The following PGRMC2 variants were observed in gnomAD, a reference collection of about 807,000 sequenced individuals.
PGRMC2 encodes progesterone receptor membrane component 2.
In PGRMC2, 9 loss-of-function variants were observed where a neutral mutation model predicts 19.3. The ratio of observed to expected loss-of-function variants is 0.47; its 90% confidence interval spans 0.28 to 0.81. The LOEUF (loss-of-function observed/expected upper bound fraction) is 0.81, where lower values mean the gene tolerates loss of function less well. Among genes scored for constraint, PGRMC2 ranks in the 40% least tolerant of loss-of-function variants. The probability of loss-of-function intolerance (pLI) is 0.11; values close to 1 mark genes in which losing one functional copy is unlikely to be tolerated. For missense variants in PGRMC2, 289 were observed against 297.3 expected (o/e 0.97, Z 0.21); for synonymous variants, 157 against 124.6 (o/e 1.26, Z -1.73).
intron 2 of PGRMC2, among the ~76,000 whole-genome samples, chr4:128,272,039 TTA>T (rs1760738420): frequency 6.6e-6 from 1 of 152,240 alleles, no homozygotes; most frequent in African/African-American, 2.4e-5. Flanking sequence ...AGTCATTTTT[TTA>T]AATATTGATT....
chr4:128,286,855 G>A (rs1760990753), intron 1 of PGRMC2: 1 of 385,998 alleles, frequency 2.6e-6, no homozygotes, highest in African/African-American at 2.1e-5. Flanking sequence ...GTAATACAGC[G>A]AGGGAAAAAA....
rs28726176 is a variant in PGRMC2 at position 128,275,270 on chromosome 4, C to T, written c.419-2753G>A. Among the ~76,000 whole-genome samples, 933 of 152,196 alleles carry T rather than the reference C, an allele frequency of 6.1e-3. 13 individuals are homozygous for T. The highest frequency in any genetic ancestry group is 0.021 in the African/African-American group (890 of 41,520). On this transcript the variant is annotated intron_variant, in intron 1 of 2. Coordinates refer to ENST00000296425, the MANE Select transcript of PGRMC2 (RefSeq NM_006320.6). The stretch of plus-strand genomic sequence containing the variant: ...ACTTCAGAGTATAAGCCATAAAACA[C>T]ATTTAAATGATACAAAGGAGAGAAG...
intron 1 of PGRMC2, among the ~76,000 whole-genome samples, chr4:128,285,542 G>C (rs1443737464): frequency 6.6e-6 from 1 of 152,222 alleles, no homozygotes; most frequent in African/African-American, 2.4e-5. Flanking sequence ...AATGTGTGAG[G>C]ACTAATACGA....
At chr4:128,279,440 AGTGTAAATT>A (rs1412408954) in intron 1 of PGRMC2, among the ~76,000 whole-genome samples, 2 of 152,358 alleles carry the variant, frequency 1.3e-5, no homozygotes, top group African/African-American at 4.8e-5. Flanking sequence ...ATTTTCATCA[AGTGTAAATT>A]GGTCCAACCT....
In PGRMC2 at chr4:128,287,769, C is replaced by A. The variant is rs1173874160; in HGVS notation, c.22G>T (p.Val8Leu). MAAGDGD[V>L]KLGTLGSGSE... ...CCACTCCCCAGGGTGCCTAGCTTCA[C>A]GTCCCCATCACCAGCCGCCATCACT... The change falls in exon 1 of 3, where the codon GTG becomes TTG. Residue 8 changes from valine to leucine, a missense_variant. Val to Leu is a conservative substitution (Grantham distance 32). Transcript: ENST00000296425. The A allele has an allele frequency of 1.0e-5, 15 of 1,476,020 alleles. No individual in the cohort carries two copies. Among genetic ancestry groups the A allele is most frequent in the Middle Eastern group, 3.5e-4 (2 of 5,690 alleles). 91.4% of individuals were successfully genotyped at this position (1,476,020 alleles called of 1,614,324 possible).
intron 1 of PGRMC2, among the ~76,000 whole-genome samples, chr4:128,274,537 AG>A (rs34085463): frequency 2.3e-5 from 3 of 128,222 alleles, no homozygotes; most frequent in African/African-American, 8.7e-5. Flanking sequence ...AAAAAAAAAA[AG>A]GTATTAACCA....
intron 1 of PGRMC2, among the ~76,000 whole-genome samples, chr4:128,277,403 ATTAAT>A (rs1348615578): frequency 6.6e-6 from 1 of 152,240 alleles, no homozygotes; most frequent in African/African-American, 2.4e-5. Context: ...TGTTTTAAAT[ATTAAT>A]TTAATAAACA....
At chr4:128,272,684 T>C in intron 1 of PGRMC2, 167 bp from the exon 2 acceptor site, 1 of 406,814 alleles carries the variant, frequency 2.5e-6, no homozygotes, top group Non-Finnish European at 4.2e-6. Flanking sequence ...CTAGATGGAA[T>C]AAGAAAAGAA....
At position 128,269,322 on chromosome 4, in the gene PGRMC2, T is replaced by G. The variant is rs1438451315; in HGVS notation, c.*1994A>C. 6.6e-6 allele frequency: 1 copy of G among 152,184 alleles called. No homozygotes were observed. The highest frequency in any genetic ancestry group is 1.5e-5 in the Non-Finnish European group (1 of 68,032). The allele number at this position is 152,184 out of a possible 1,614,324, so 9.4% of individuals were successfully genotyped here. On this transcript the variant is annotated 3_prime_UTR_variant, in exon 3 of 3. Coordinates refer to ENST00000296425, the MANE Select transcript of PGRMC2 (RefSeq NM_006320.6). ...ATTTTTCTTAACAGACCGCATAATT[T>G]TTTCTGCATGAATATTTAGGGTTTC...
chr4:128,280,612 T>C (rs2110562749), intron 1 of PGRMC2, among the ~76,000 whole-genome samples: 1 of 152,198 alleles, frequency 6.6e-6, no homozygotes, highest in African/African-American at 2.4e-5. Context: ...AAGGTCAATT[T>C]ACATTTTTTT....
rs1760703206 is a variant in PGRMC2, at chr4:128,270,059, C to T, written c.*1257G>A. 6.6e-6 allele frequency: 1 copy of T among 152,624 alleles called. No individual in the cohort carries two copies. Among genetic ancestry groups the T allele is most frequent in the South Asian group, 2.1e-4 (1 of 4,826 alleles). 9.5% of individuals were successfully genotyped at this position (152,624 alleles called of 1,614,324 possible). A position where few individuals can be genotyped will look rare whatever the true frequency, so the allele number is the denominator to read the frequency against. ...TTTCATTTCCAAGATTTTTCCTTAT[C>T]TTGAATCAAATGCACAATCTTACAA... On this transcript the variant is annotated 3_prime_UTR_variant, in exon 3 of 3. Transcript: ENST00000296425.
chr4:128,287,795 G>T lies in PGRMC2; in HGVS notation c.-5C>A. 1 of 1,503,406 alleles carries T rather than the reference G, an allele frequency of 6.7e-7. No individual in the cohort carries two copies. Among genetic ancestry groups the T allele is most frequent in the Non-Finnish European group, 9.1e-7 (1 of 1,103,362 alleles). The allele number at this position is 1,503,406 out of a possible 1,614,324, so 93.1% of individuals were successfully genotyped here. A position where few individuals can be genotyped will look rare whatever the true frequency, so the allele number is the denominator to read the frequency against. The stretch of plus-strand genomic sequence containing the variant: ...GTCCCCATCACCAGCCGCCATCACT[G>T]CCCGCCAGCGCCTTCCTCCTCCTCC... On this transcript the variant is annotated 5_prime_UTR_variant, in exon 1 of 3. Coordinates refer to ENST00000296425, the MANE Select transcript of PGRMC2 (RefSeq NM_006320.6).
chr4:128,287,037 G>A (rs1446641516), intron 1 of PGRMC2, among the ~76,000 whole-genome samples: 1 of 151,752 alleles, frequency 6.6e-6, no homozygotes, highest in Non-Finnish European at 1.5e-5. Context: ...GTTGACCTGT[G>A]ACAACTAAAA....
chr4:128,283,659 AT>A (rs35900892), intron 1 of PGRMC2, among the ~76,000 whole-genome samples: 81,413 of 134,584 alleles, frequency 0.6, 23,437 homozygotes, highest in Middle Eastern at 0.68. Context: ...CCATAAAAGC[AT>A]TTTTTTTTTT....
chr4:128,279,241 G>T (rs951857930), intron 1 of PGRMC2, among the ~76,000 whole-genome samples: 2 of 151,346 alleles, frequency 1.3e-5, no homozygotes, highest in Admixed American at 6.6e-5. Context: ...TGTGGCAAAG[G>T]ATATATGAAT....
At chr4:128,276,662 A>AT (rs1021163800) in intron 1 of PGRMC2, among the ~76,000 whole-genome samples, 12 of 152,284 alleles carry the variant, frequency 7.9e-5, no homozygotes, top group African/African-American at 2.9e-4. Context: ...TGATCTGGTT[A>AT]TTTTTTATTA....
intron 1 of PGRMC2, chr4:128,286,875 T>C (rs951814074): frequency 1.5e-5 from 5 of 324,614 alleles, no homozygotes. Flanking sequence ...AGGAGATCAG[T>C]GGCAAAAAAA....
At chr4:128,287,220 G>T (rs1578888923) in intron 1 of PGRMC2, 153 bp downstream of exon 1, 1 of 760,070 alleles carries the variant, frequency 1.3e-6, no homozygotes, top group East Asian at 2.9e-5. Flanking sequence ...GTGTAGGGGC[G>T]GGATGGGCCG....
At position 128,287,618 on chromosome 4, in the gene PGRMC2, A is replaced by C. The variant is rs1215978305; in HGVS notation, c.173T>G (p.Val58Gly). 1 of 1,276,324 alleles carries C rather than the reference A, an allele frequency of 7.8e-7. No individual in the cohort carries two copies. The highest frequency in any genetic ancestry group is 1.8e-5 in the African/African-American group (1 of 56,806). The allele number at this position is 1,276,324 out of a possible 1,614,324, so 79.1% of individuals were successfully genotyped here. ...LTGGGEMLLN[V>G]ALVALVLLGA... is the part of the protein sequence containing the mutation. ...CAGCAGCACCAGAGCCACCAGCGCC[A>C]CGTTCAGCAGCATTTCCCCGCCCCC... The change falls in exon 1 of 3, where the codon GTG becomes GGG. Residue 58 changes from valine (V) to glycine (G), a missense_variant. By Grantham distance (109) the Val-to-Gly change is moderately radical (BLOSUM62 -3). Transcript: ENST00000296425.
Sources: gnomAD v4.1 joint callset for allele counts (sites outside exome capture counted in the v4.1 genomes callset) on GRCh38, gnomAD v4.1.1 for gene constraint, MANE v1.5 for transcripts, NCBI Gene and HGNC (gene_info 2026-07-23, HGNC 2026-07-21) for gene names.